Variants in FHIT observed in about 807,000 individuals in gnomAD.
The protein encoded by FHIT is bis(5'-adenosyl)-triphosphatase.
In FHIT, 19 loss-of-function variants were observed where a neutral mutation model predicts 17.9. That is an observed-to-expected ratio of 1.06 (90% CI 0.74 to 1.56). FHIT has a LOEUF of 1.56. FHIT is among the 40% of genes most tolerant of loss of function. The pLI is 0.00. For missense variants in FHIT, 248 were observed against 189.2 expected (o/e 1.31, Z -1.82); for synonymous variants, 81 against 69.7 (o/e 1.16, Z -0.81).
chr3:60,949,023 T>C (rs1242047322), intron 3 of FHIT, among the ~76,000 whole-genome samples: 1 of 152,060 alleles, frequency 6.6e-6, no homozygotes, highest in African/African-American at 2.4e-5. Flanking sequence ...AAACTTATAG[T>C]TGTATATAGT....
At chr3:60,535,335 G>C (rs916786590) in intron 5 of FHIT, among the ~76,000 whole-genome samples, 1 of 152,108 alleles carries the variant, frequency 6.6e-6, no homozygotes, top group African/African-American at 2.4e-5. Context: ...TTTCATCCCA[G>C]GTCCCTTTAT....
In FHIT at chr3:60,456,473, C is replaced by T. The variant is rs139558435; in HGVS notation, c.103+80387G>A. Among the ~76,000 whole-genome samples the T allele has an allele frequency of 1.2e-3, 190 of 152,334 alleles. 2 individuals carry two copies. The East Asian group carries it at 0.023, about 18-fold the overall frequency. On this transcript the variant is annotated intron_variant, in intron 5 of 9. Coordinates refer to ENST00000492590, the MANE Select transcript of FHIT (RefSeq NM_002012.4). ...ACACTATGTACCTTCTTAAATACAA[C>T]ATTAATTATGGAACTAACCTATTTA...
At chr3:60,750,100 C>T (rs1000194706) in intron 4 of FHIT, among the ~76,000 whole-genome samples, 1 of 152,022 alleles carries the variant, frequency 6.6e-6, no homozygotes, top group Non-Finnish European at 1.5e-5. Flanking sequence ...CACTCAGGGA[C>T]CATCTGACTC....
At chr3:60,469,912 GATACCACCGTGGTGGTCTTGGGTAACTTC>G (rs2032993947) in intron 5 of FHIT, among the ~76,000 whole-genome samples, 1 of 152,098 alleles carries the variant, frequency 6.6e-6, no homozygotes, top group Non-Finnish European at 1.5e-5. Flanking sequence ...GGCTTGTACA[GATACCACCGTGGTGGTCTTGGGTAACTTC>G]CAGAAGAATT....
chr3:60,595,216 G>C (rs2038224564), intron 4 of FHIT, among the ~76,000 whole-genome samples: 1 of 152,054 alleles, frequency 6.6e-6, no homozygotes, highest in Non-Finnish European at 1.5e-5. Context: ...AGAGAAAAAA[G>C]CTAGGAGCCA....
intron 7 of FHIT, among the ~76,000 whole-genome samples, chr3:60,003,412 A>G (rs1171211377): frequency 4.6e-5 from 7 of 152,168 alleles, no homozygotes; most frequent in African/African-American, 1.4e-4. Flanking sequence ...CCCAATTTCA[A>G]TCAAGGCACA....
At chr3:60,424,318 C>T (rs1280960496) in intron 5 of FHIT, among the ~76,000 whole-genome samples, 3 of 152,078 alleles carry the variant, frequency 2.0e-5, no homozygotes, top group Non-Finnish European at 4.4e-5. Context: ...TGGCTAATAT[C>T]GGAGAACATG....
At chr3:60,880,201 C>A (rs1037675550) in intron 3 of FHIT, among the ~76,000 whole-genome samples, 2 of 152,156 alleles carry the variant, frequency 1.3e-5, no homozygotes, top group Admixed American at 6.5e-5. Flanking sequence ...ACCTTATAGA[C>A]CAGGAAAGAA....
chr3:60,219,859 T>C (rs969885819), intron 5 of FHIT, among the ~76,000 whole-genome samples: 2 of 152,148 alleles, frequency 1.3e-5, no homozygotes, highest in African/African-American at 4.8e-5. Context: ...CTAAAGAGGA[T>C]AAAAATTGCA....
Position 60,537,594 on chromosome 3 carries a change from T to G in FHIT, c.-17-615A>C, listed in dbSNP as rs1442430451. On this transcript the variant is annotated intron_variant, in intron 4 of 9. Transcript: ENST00000492590. ...TCAAAACTAGAACAATTCCTGGTTG[T>G]AACAGGGCCACAAAGCAGCAAGGTA... The G allele has an allele frequency of 1.5e-5, 4 of 273,842 alleles. No homozygotes were observed. The East Asian group carries it at 7.0e-4, about 48-fold the overall frequency. 17.0% of individuals were successfully genotyped at this position (273,842 alleles called of 1,614,324 possible). A position where few individuals can be genotyped will look rare whatever the true frequency, so the allele number is the denominator to read the frequency against.
intron 2 of FHIT, among the ~76,000 whole-genome samples, chr3:61,099,137 T>G (rs549777356): frequency 3.3e-5 from 5 of 152,316 alleles, no homozygotes; most frequent in Admixed American, 6.5e-5. Context: ...AAATGGGTAT[T>G]AAATTTTATC....
intron 5 of FHIT, among the ~76,000 whole-genome samples, chr3:60,393,373 AT>A (rs1314088841): frequency 1.3e-5 from 2 of 150,428 alleles, no homozygotes; most frequent in Non-Finnish European, 3.0e-5. Context: ...AATTGAAAAA[AT>A]ATATATATTT....
chr3:59,958,912 C>A (rs964545357), intron 7 of FHIT, among the ~76,000 whole-genome samples: 2 of 152,188 alleles, frequency 1.3e-5, no homozygotes, highest in Non-Finnish European at 2.9e-5. Flanking sequence ...AAAGCAGCAA[C>A]CTCTGTCATT....
At chr3:60,868,539 C>G (rs1704262633) in intron 3 of FHIT, among the ~76,000 whole-genome samples, 1 of 152,138 alleles carries the variant, frequency 6.6e-6, no homozygotes, top group Non-Finnish European at 1.5e-5. Flanking sequence ...GAAGCCCTTT[C>G]TCATACAATC....
intron 5 of FHIT, among the ~76,000 whole-genome samples, chr3:60,468,328 T>G (rs1269202108): frequency 6.6e-6 from 1 of 152,094 alleles, no homozygotes; most frequent in African/African-American, 2.4e-5. Flanking sequence ...TTACTCCTGC[T>G]ATTTTGTTAT....
At chr3:59,864,745 C>A (rs959983946) in intron 8 of FHIT, among the ~76,000 whole-genome samples, 1 of 150,414 alleles carries the variant, frequency 6.6e-6, no homozygotes. Context: ...AGAAGCAATG[C>A]TTTTCTGTGG....
intron 2 of FHIT, among the ~76,000 whole-genome samples, chr3:61,115,903 G>A (rs527880315): frequency 7.9e-5 from 12 of 152,232 alleles, no homozygotes; most frequent in South Asian, 6.2e-4. Flanking sequence ...GACTGAGACC[G>A]TCTCCCAAAC....
At chr3:60,799,265 C>T (rs1174083258) in intron 4 of FHIT, among the ~76,000 whole-genome samples, 1 of 152,160 alleles carries the variant, frequency 6.6e-6, no homozygotes, top group Non-Finnish European at 1.5e-5. Context: ...ACCTCCACCT[C>T]CCAGGTTCAA....
intron 4 of FHIT, among the ~76,000 whole-genome samples, chr3:60,720,926 A>G (rs187430379): frequency 1.3e-5 from 2 of 152,300 alleles, no homozygotes; most frequent in Admixed American, 1.3e-4. Context: ...CTATTACCCA[A>G]GCCAGAAGAA....
Sources: allele counts gnomAD v4.1 joint callset (sites outside exome capture counted in the v4.1 genomes callset), GRCh38; gene constraint gnomAD v4.1.1; transcripts MANE v1.5; gene names NCBI Gene and HGNC (gene_info 2026-07-23, HGNC 2026-07-21).